Variants in DMD observed in about 807,000 individuals in gnomAD.
The protein encoded by DMD is mutant dystrophin.
Under a neutral mutation model 330.1 loss-of-function variants are expected in DMD, and 63 were observed. That is an observed-to-expected ratio of 0.19 (90% CI 0.16 to 0.24). DMD has a LOEUF of 0.24. Among genes scored for constraint, DMD ranks in the 10% least tolerant of loss-of-function variants. DMD has a pLI of 1.00. For synonymous variants in DMD, 1,223 were observed against 959.8 expected (o/e 1.27, Z -5.07); for missense variants, 3,344 against 2,684.1 (o/e 1.25, Z -5.43).
chrX:31,494,813 T>C (rs1365135692), intron 57 of DMD, among the ~76,000 whole-genome samples: 1 of 112,291 alleles, frequency 8.9e-6, no homozygotes, highest in African/African-American at 3.2e-5. Flanking sequence ...ATCCATCTTA[T>C]GAAGAAATAT....
At chrX:31,323,474 A>C in intron 62 of DMD, 124 bp downstream of exon 62, 2 of 602,554 alleles carry the variant, frequency 3.3e-6, no homozygotes, top group South Asian at 5.3e-5. Context: ...AAGCTTCCTC[A>C]GGAAAAAAAA....
At chrX:32,160,237 T>A in intron 44 of DMD, among the ~76,000 whole-genome samples, 1 of 107,893 alleles carries the variant, frequency 9.3e-6, no homozygotes, top group Non-Finnish European at 1.9e-5. Context: ...TGCGTGTTTG[T>A]TTTTTGCTTT....
At position 32,664,527 on chromosome X, in the gene DMD, C is replaced by G. The variant is rs780530644; in HGVS notation, c.961-19375G>C. On this transcript the variant is annotated intron_variant, in intron 9 of 78. Coordinates refer to ENST00000357033, the MANE Select transcript of DMD (RefSeq NM_004006.3). ...AAGTGCTGGGATTACAGGCGTGAGC[C>G]ACCGCATCCGGCCAAACCTGGCATA... Among the ~76,000 whole-genome samples the G allele has an allele frequency of 9.7e-3, 1,074 of 111,098 alleles. 20 individuals carry two copies. The highest frequency in any genetic ancestry group is 0.033 in the African/African-American group (1,011 of 30,468).
intron 41 of DMD, among the ~76,000 whole-genome samples, 173 bp from the exon 42 acceptor site, chrX:32,310,449 A>G (rs369368179): frequency 1.8e-5 from 2 of 110,968 alleles, no homozygotes; most frequent in East Asian, 2.9e-4. Context: ...TTTATTAATT[A>G]TATACCTACT....
chrX:32,241,010 G>A (rs2097206437), intron 43 of DMD, among the ~76,000 whole-genome samples: 1 of 112,085 alleles, frequency 8.9e-6, no homozygotes, highest in East Asian at 2.8e-4. Context: ...TGGCTTACTT[G>A]TCCTAATTTT....
At position 32,568,183 on chromosome X, in the gene DMD, G is replaced by T. The variant is rs752571308; in HGVS notation, c.1813-2302C>A. 3.5e-3 allele frequency among the ~76,000 whole-genome samples: 390 copies of T among 111,692 alleles called. 3 individuals carry two copies. Among genetic ancestry groups the T allele is most frequent in the African/African-American group, 0.012 (375 of 30,763 alleles). Reference sequence around the variant, plus strand: ...TATTAAGCCACATGAAGAAACATTTGGTAAGCATTACAAAAATGAAAGTGA... The same window carrying T: ...TATTAAGCCACATGAAGAAACATTTTGTAAGCATTACAAAAATGAAAGTGA... On this transcript the variant is annotated intron_variant, in intron 15 of 78. Coordinates refer to ENST00000357033, the MANE Select transcript of DMD (RefSeq NM_004006.3).
chrX:32,723,535 A>C (rs1217975677), intron 7 of DMD, among the ~76,000 whole-genome samples: 1 of 111,636 alleles, frequency 9.0e-6, no homozygotes, highest in African/African-American at 3.2e-5. Flanking sequence ...GAGGAGAAGT[A>C]GGTCAAAGGA....
intron 67 of DMD, among the ~76,000 whole-genome samples, chrX:31,199,691 T>C (rs754963720): frequency 8.9e-6 from 1 of 112,016 alleles, no homozygotes; most frequent in South Asian, 3.8e-4. Context: ...TTTCTAACTG[T>C]ACCAACCTGA....
chrX:31,574,439 G>A lies in DMD; in HGVS notation c.8217+53234C>T, dbSNP rs866912495. 5.4e-5 allele frequency among the ~76,000 whole-genome samples: 6 copies of A among 111,044 alleles called. No individual in the cohort carries two copies. In the Admixed American group the frequency reaches 5.8e-4, roughly 11 times the overall value. ...ATTACAGGTGTGAGCCACTGTGCCCGGCTGCAAAGGATTATCTTTAAGTTA... is the reference window on the plus strand; with the variant it reads ...ATTACAGGTGTGAGCCACTGTGCCCAGCTGCAAAGGATTATCTTTAAGTTA... On this transcript the variant is annotated intron_variant, in intron 55 of 78. Transcript: ENST00000357033.
At position 32,508,864 on chromosome X, in the gene DMD, G is replaced by A. The variant is rs747678699; in HGVS notation, c.2293-7022C>T. Among the ~76,000 whole-genome samples the A allele has an allele frequency of 7.2e-4, 79 of 109,953 alleles. 1 individual carries two copies. Among genetic ancestry groups the A allele is most frequent in the Non-Finnish European group, 1.2e-3 (63 of 52,645 alleles). ...CTCGCTCTGTCGCCCAGGCTGGAGT[G>A]CAGTGGCGCAATCTTGGCTCACTGC... On this transcript the variant is annotated intron_variant, in intron 18 of 78. Transcript: ENST00000357033.
Position 32,823,308 on chromosome X carries a change from A to G in DMD, c.344T>C (p.Ile115Thr). 1 of 1,205,546 alleles carries G rather than the reference A, an allele frequency of 8.3e-7. No individual in the cohort carries two copies. The highest frequency in any genetic ancestry group is 1.1e-6 in the Non-Finnish European group (1 of 890,111). The change falls in exon 5 of 79, where the codon ATC becomes ACC. Residue 115 changes from isoleucine to threonine, a missense_variant. Coordinates refer to ENST00000357033, the MANE Select transcript of DMD (RefSeq NM_004006.3). ...KLTLGLIWNI[I>T]LHWQVKNVMK... ...CAGGATTCTTACCTGCCAGTGGAGG[A>G]TTATATTCCAAATCAAACCAAGAGT...
intron 2 of DMD, among the ~76,000 whole-genome samples, chrX:32,965,520 G>T (rs762649863): frequency 7.5e-5 from 8 of 107,033 alleles, no homozygotes; most frequent in Admixed American, 1.0e-4. Flanking sequence ...GAAGTGGGGT[G>T]GGGGGGTTAC....
At chrX:32,484,443 T>C (rs988509518) in intron 21 of DMD, among the ~76,000 whole-genome samples, 7 of 112,371 alleles carry the variant, frequency 6.2e-5, no homozygotes, top group African/African-American at 2.3e-4. Flanking sequence ...AGTGATCCAG[T>C]AGTAAAATGT....
At chrX:31,470,616 G>A (rs979202763) in intron 59 of DMD, among the ~76,000 whole-genome samples, 1 of 112,227 alleles carries the variant, frequency 8.9e-6, no homozygotes, top group Non-Finnish European at 1.9e-5. Flanking sequence ...CCAGTCAGGA[G>A]GCACGGGGGT....
chrX:32,889,156 T>G (rs2149249391), intron 2 of DMD, among the ~76,000 whole-genome samples: 1 of 110,550 alleles, frequency 9.0e-6, no homozygotes, highest in Non-Finnish European at 1.9e-5. Context: ...GACTCCAAAG[T>G]TATGTCAGAC....
chrX:32,748,189 A>G (rs1248348567), intron 7 of DMD, among the ~76,000 whole-genome samples: 1 of 109,284 alleles, frequency 9.2e-6, no homozygotes, highest in Non-Finnish European at 1.9e-5. Flanking sequence ...CTAAAAATAC[A>G]CGAATTAGCC....
chrX:32,728,086 G>A (rs2147991741), intron 7 of DMD, among the ~76,000 whole-genome samples: 1 of 111,407 alleles, frequency 9.0e-6, no homozygotes, highest in Admixed American at 9.6e-5. Flanking sequence ...TACTGAAGCT[G>A]ATAAATGTTT....
chrX:31,938,572 T>C (rs1475262306), intron 45 of DMD, among the ~76,000 whole-genome samples: 1 of 111,699 alleles, frequency 9.0e-6, no homozygotes, highest in African/African-American at 3.3e-5. Context: ...TGCATCCTCA[T>C]GGATGCACTT....
intron 1 of DMD, among the ~76,000 whole-genome samples, chrX:33,205,889 C>T (rs917346839): frequency 5.4e-5 from 6 of 111,181 alleles, no homozygotes; most frequent in African/African-American, 2.0e-4. Flanking sequence ...TTGATATGCC[C>T]ATGTATGGTT....
Sources: gnomAD v4.1 joint callset for allele counts (sites outside exome capture counted in the v4.1 genomes callset) on GRCh38, gnomAD v4.1.1 for gene constraint, MANE v1.5 for transcripts, NCBI Gene and HGNC (gene_info 2026-07-23, HGNC 2026-07-21) for gene names.